Variants in DUSP3 observed in about 807,000 individuals in gnomAD.
DUSP3 encodes the protein dual specificity protein phosphatase 3.
DUSP3 carries 7 observed loss-of-function variants against 15.5 expected under a neutral mutation model. The ratio of observed to expected loss-of-function variants is 0.45; its 90% CI spans 0.26 to 0.85. The LOEUF (loss-of-function observed/expected upper bound fraction) is 0.85. Among genes scored for constraint, DUSP3 ranks in the 40% least tolerant of loss-of-function variants. The probability of loss-of-function intolerance (pLI) is 0.18; values close to 1 mark genes in which losing one functional copy is unlikely to be tolerated. For synonymous variants in DUSP3, 86 were observed against 104.2 expected, an observed-to-expected ratio of 0.83 and a Z score of 1.07; for missense variants, 209 against 251.7, an observed-to-expected ratio of 0.83 and a Z score of 1.15.
At chr17:43,769,995 G>A (rs1974293661) in intron 2 of DUSP3, among the ~76,000 whole-genome samples, 181 bp from the exon 3 acceptor site, 1 of 152,164 alleles carries the variant, frequency 6.6e-6, no homozygotes, top group Non-Finnish European at 1.5e-5. Context: ...GGGGCAACTG[G>A]AACTCTTCTG....
rs1395853519 is a variant in DUSP3, at chr17:43,774,903, A to G, written c.161T>C (p.Leu54Pro). The change falls in exon 2 of 3, where the codon CTA (leucine) becomes CCA (proline). Residue 54 changes from leucine to proline, a missense_variant. By Grantham distance (98) the Leu-to-Pro change is moderately conservative. Transcript: ENST00000226004. ...VAQDIPKLQKLGITHVLNAAE... is the reference protein window; with the variant it reads ...VAQDIPKLQKPGITHVLNAAE... ...CGCGTTCAGCACATGGGTGATGCCT[A>G]GTTTCTGCAGCTTGGGGATGTCCTG... 6.2e-7 allele frequency: 1 copy of G among 1,614,080 alleles called. No homozygotes were observed. Among genetic ancestry groups the G allele is most frequent in the Non-Finnish European group, 8.5e-7 (1 of 1,180,050 alleles).
At chr17:43,770,175 T>C (rs1015311955) in intron 2 of DUSP3, among the ~76,000 whole-genome samples, 5 of 152,074 alleles carry the variant, frequency 3.3e-5, no homozygotes, top group Non-Finnish European at 7.4e-5. Context: ...TGGGCCAGAA[T>C]GTTCACAGGC....
chr17:43,777,031 G>A (rs73318401), intron 1 of DUSP3, among the ~76,000 whole-genome samples: 2,571 of 151,944 alleles, frequency 0.017, 75 homozygotes, highest in African/African-American at 0.058. Flanking sequence ...GGAGTGCAAC[G>A]GTACGATCTT....
intron 2 of DUSP3, chr17:43,773,962 G>T (rs1300988146): frequency 1.1e-5 from 2 of 180,568 alleles, no homozygotes; most frequent in Non-Finnish European, 2.4e-5. Flanking sequence ...AGCCAGGCGT[G>T]GGGGCGCATG....
At position 43,766,820 on chromosome 17, in the gene DUSP3, A is replaced by T. The variant is rs1974247075; in HGVS notation, c.*2789T>A. ...GTATACTGCTTTAAGATTGAGAAGA[A>T]AACCATTTGGCGCTCTAATTTTGCC... On this transcript the variant is annotated 3_prime_UTR_variant, in exon 3 of 3. Transcript: ENST00000226004. 1 of 152,174 alleles carries T rather than the reference A, an allele frequency of 6.6e-6. No individual in the cohort carries two copies. The highest frequency in any genetic ancestry group is 6.6e-5 in the Admixed American group (1 of 15,264). 9.4% of individuals were successfully genotyped at this position (152,174 alleles called of 1,614,324 possible). A position where few individuals can be genotyped will look rare whatever the true frequency, so the allele number is the denominator to read the frequency against.
intron 2 of DUSP3, among the ~76,000 whole-genome samples, chr17:43,774,335 C>T (rs1187909158): frequency 6.6e-6 from 1 of 152,098 alleles, no homozygotes; most frequent in Non-Finnish European, 1.5e-5. Context: ...CAAGCAGCCC[C>T]TTAATCAACC....
chr17:43,775,819 A>G (rs574202450), intron 1 of DUSP3, among the ~76,000 whole-genome samples: 8 of 152,298 alleles, frequency 5.3e-5, no homozygotes, highest in Non-Finnish European at 1.0e-4. Context: ...AGGTTACAAA[A>G]TAATTTATCT....
intron 1 of DUSP3, among the ~76,000 whole-genome samples, chr17:43,775,367 G>C (rs998620495): frequency 6.6e-6 from 1 of 152,200 alleles, no homozygotes; most frequent in Non-Finnish European, 1.5e-5. Flanking sequence ...TACTAGCCAG[G>C]CAACCTTAAG....
At chr17:43,778,165 T>A (rs1974413182) in intron 1 of DUSP3, 4 of 152,956 alleles carry the variant, frequency 2.6e-5, no homozygotes. Context: ...GTCAAGAGCC[T>A]TTTCTAGGTG....
Position 43,769,556 on chromosome 17 carries a change from C to T in DUSP3, c.*53G>A. ...TCCTAAACATGGCAGCTCGGGACAC[C>T]TTTGCCCACGGCCTCCCCCACGGAC... On this transcript the variant is annotated 3_prime_UTR_variant, in exon 3 of 3. Transcript: ENST00000226004. The T allele has an allele frequency of 6.2e-7, 1 of 1,602,506 alleles. No homozygotes were observed. The highest frequency in any genetic ancestry group is 8.5e-7 in the Non-Finnish European group (1 of 1,174,862).
At chr17:43,773,219 C>T (rs1483213646) in intron 2 of DUSP3, among the ~76,000 whole-genome samples, 2 of 152,226 alleles carry the variant, frequency 1.3e-5, no homozygotes, top group Non-Finnish European at 2.9e-5. Context: ...ATCATTCAGA[C>T]AGTGAGCCTG....
intron 2 of DUSP3, among the ~76,000 whole-genome samples, chr17:43,772,628 T>C (rs1487253450): frequency 1.3e-5 from 2 of 152,212 alleles, no homozygotes; most frequent in African/African-American, 4.8e-5. Flanking sequence ...CACTCATTCT[T>C]AGAAGCATTT....
chr17:43,778,778 C>T lies in DUSP3; in HGVS notation c.125+22G>A, dbSNP rs369175443. ...GGCGTCCCGAGAGGGACGGCGGGGC[C>T]GGGCTCGCGAAAGGGACTCACGCGT... On this transcript the variant is annotated intron_variant, in intron 1 of 2. Coordinates refer to ENST00000226004, the MANE Select transcript of DUSP3 (RefSeq NM_004090.4). 7.9e-6 allele frequency: 12 copies of T among 1,510,094 alleles called. No homozygotes were observed. The African/African-American group carries it at 1.4e-4, about 18-fold the overall frequency. 93.5% of individuals were successfully genotyped at this position (1,510,094 alleles called of 1,614,324 possible). A position where few individuals can be genotyped will look rare whatever the true frequency, so the allele number is the denominator to read the frequency against.
At chr17:43,772,950 T>C (rs1974336889) in intron 2 of DUSP3, among the ~76,000 whole-genome samples, 2 of 152,150 alleles carry the variant, frequency 1.3e-5, no homozygotes, top group Admixed American at 1.3e-4. Context: ...TCAGAGAGCT[T>C]GAAATTCCCT....
rs965532334 is a variant in DUSP3 at position 43,774,619 on chromosome 17, G to A, written c.352+93C>T. ...ACCCCAGAAGATGGGAAACAAGGGA[G>A]TTTCTAAGAAGAGACCTGTTGTGGG... On this transcript the variant is annotated intron_variant, in intron 2 of 2. Coordinates refer to ENST00000226004, the MANE Select transcript of DUSP3 (RefSeq NM_004090.4). 9 of 1,355,048 alleles carry A rather than the reference G, an allele frequency of 6.6e-6. No individual in the cohort carries two copies. In the African/African-American group the frequency reaches 1.2e-4, roughly 17 times the overall value. The allele number at this position is 1,355,048 out of a possible 1,614,324, so 83.9% of individuals were successfully genotyped here.
chr17:43,775,664 C>T (rs1277060321), intron 1 of DUSP3, among the ~76,000 whole-genome samples: 1 of 152,094 alleles, frequency 6.6e-6, no homozygotes, highest in African/African-American at 2.4e-5. Flanking sequence ...TGAATGAGTG[C>T]AAAAGAATAA....
At chr17:43,772,827 G>A (rs1465780528) in intron 2 of DUSP3, among the ~76,000 whole-genome samples, 1 of 152,172 alleles carries the variant, frequency 6.6e-6, no homozygotes, top group Non-Finnish European at 1.5e-5. Flanking sequence ...TTTGCCAGAG[G>A]AAGGGGTAGG....
chr17:43,773,263 A>G (rs529430850), intron 2 of DUSP3, among the ~76,000 whole-genome samples: 8 of 152,194 alleles, frequency 5.3e-5, no homozygotes, highest in Non-Finnish European at 1.2e-4. Flanking sequence ...AGTACAGCCA[A>G]GGCTGTTCAC....
intron 1 of DUSP3, among the ~76,000 whole-genome samples, chr17:43,775,207 G>A (rs1043621411): frequency 3.3e-5 from 5 of 152,146 alleles, no homozygotes; most frequent in South Asian, 4.2e-4. Flanking sequence ...GGAGAAATGC[G>A]CCCTCTCATC....
Sources: gnomAD v4.1 joint callset for allele counts (sites outside exome capture counted in the v4.1 genomes callset) on GRCh38, gnomAD v4.1.1 for gene constraint, MANE v1.5 for transcripts, NCBI Gene and HGNC (gene_info 2026-07-23, HGNC 2026-07-21) for gene names.